NCAM2: variants seen among roughly 807,000 people sequenced by gnomAD.
NCAM2 encodes neural cell adhesion molecule 2, also known as N-CAM-2.
Under a neutral mutation model 98.1 loss-of-function variants are expected in NCAM2, and 30 were observed. The ratio of observed to expected loss-of-function variants is 0.31; its 90% CI spans 0.23 to 0.41. The LOEUF (loss-of-function observed/expected upper bound fraction) is 0.41. Among genes scored for constraint, NCAM2 ranks in the 10% least tolerant of loss-of-function variants. The probability of loss-of-function intolerance (pLI) is 1.00; values close to 1 mark genes in which losing one functional copy is unlikely to be tolerated. For synonymous variants in NCAM2, 368 were observed against 342.4 expected (o/e 1.07, Z -0.83); for missense variants, 867 against 1,005.8 (o/e 0.86, Z 1.87).
intron 1 of NCAM2, among the ~76,000 whole-genome samples, chr21:21,034,014 A>C (rs539373671): frequency 1.4e-5 from 2 of 147,776 alleles, no homozygotes; most frequent in East Asian, 4.3e-4. Context: ...ACCTTTGGAG[A>C]GATTTAGGCT....
chr21:21,341,164 G>A (rs2075022062), intron 8 of NCAM2, among the ~76,000 whole-genome samples: 1 of 151,968 alleles, frequency 6.6e-6, no homozygotes, highest in Non-Finnish European at 1.5e-5. Context: ...TTATCTTGTT[G>A]CCTCTGTAAA....
chr21:21,232,882 GT>G (rs1458791764), intron 1 of NCAM2, among the ~76,000 whole-genome samples: 2 of 151,340 alleles, frequency 1.3e-5, no homozygotes, highest in Non-Finnish European at 3.0e-5. Context: ...TTACAAAATG[GT>G]TTCCAAATGT....
intron 1 of NCAM2, among the ~76,000 whole-genome samples, chr21:21,079,019 AC>A (rs1468346459): frequency 2.0e-5 from 3 of 152,104 alleles, no homozygotes; most frequent in African/African-American, 7.2e-5. Flanking sequence ...GGAAGAACAC[AC>A]ACCAGGGCCT....
intron 1 of NCAM2, among the ~76,000 whole-genome samples, chr21:21,054,490 A>C (rs930492247): frequency 6.6e-6 from 1 of 152,064 alleles, no homozygotes; most frequent in Non-Finnish European, 1.5e-5. Flanking sequence ...AATTAGAACA[A>C]AATTTAAAGG....
chr21:21,307,898 A>G (rs1034208165), intron 5 of NCAM2, among the ~76,000 whole-genome samples: 12 of 152,150 alleles, frequency 7.9e-5, no homozygotes, highest in Admixed American at 7.2e-4. Context: ...GGTCTCGCCT[A>G]GATAATTCAT....
intron 1 of NCAM2, among the ~76,000 whole-genome samples, chr21:21,095,952 TAAGAAAG>T (rs146521312): frequency 0.037 from 5,602 of 151,632 alleles, 137 homozygotes; most frequent in Non-Finnish European, 0.044. Flanking sequence ...GAATGAGAGA[TAAGAAAG>T]AAGAAACTAT....
At chr21:21,243,232 TAATA>T (rs964704952) in intron 1 of NCAM2, among the ~76,000 whole-genome samples, 38 of 152,252 alleles carry the variant, frequency 2.5e-4, no homozygotes, top group African/African-American at 9.1e-4. Context: ...GTATTTCTAT[TAATA>T]AAGAGCAAAA....
At chr21:21,237,696 G>A (rs1024267702) in intron 1 of NCAM2, among the ~76,000 whole-genome samples, 1 of 151,752 alleles carries the variant, frequency 6.6e-6, no homozygotes, top group African/African-American at 2.4e-5. Flanking sequence ...AGAAATTTTA[G>A]TAAAGGTAAA....
At chr21:21,368,600 A>T (rs2075841108) in intron 8 of NCAM2, among the ~76,000 whole-genome samples, 1 of 151,896 alleles carries the variant, frequency 6.6e-6, no homozygotes, top group Admixed American at 6.6e-5. Flanking sequence ...ACTTTGTCAA[A>T]GATGCTGTTT....
chr21:21,303,266 G>A (rs1055735574), intron 5 of NCAM2, among the ~76,000 whole-genome samples: 1 of 151,630 alleles, frequency 6.6e-6, no homozygotes, highest in Non-Finnish European at 1.5e-5. Flanking sequence ...AAGTGGAAAT[G>A]AAAACATAGT....
intron 9 of NCAM2, among the ~76,000 whole-genome samples, chr21:21,396,529 A>G (rs1411092064): frequency 6.6e-6 from 1 of 151,828 alleles, no homozygotes; most frequent in African/African-American, 2.4e-5. Context: ...CATTCTGCCC[A>G]CTCAGCTCAT....
At chr21:21,391,007 A>G (rs532651020) in intron 9 of NCAM2, among the ~76,000 whole-genome samples, 1 of 152,312 alleles carries the variant, frequency 6.6e-6, no homozygotes, top group South Asian at 2.1e-4. Flanking sequence ...TTCAAGAAGA[A>G]AATGGTATTT....
intron 5 of NCAM2, among the ~76,000 whole-genome samples, chr21:21,310,943 A>C (rs1049133627): frequency 2.0e-5 from 3 of 152,204 alleles, no homozygotes; most frequent in African/African-American, 7.2e-5. Context: ...AGTAAGTCCC[A>C]CAGTTGAGAC....
intron 6 of NCAM2, among the ~76,000 whole-genome samples, chr21:21,328,392 A>G (rs1198146215): frequency 2.0e-5 from 3 of 152,116 alleles, no homozygotes; most frequent in Admixed American, 6.5e-5. Flanking sequence ...GTTAACTGTA[A>G]AACAGCCTCA....
At chr21:21,245,630 C>T (rs1041788) in intron 1 of NCAM2, among the ~76,000 whole-genome samples, 10,672 of 152,220 alleles carry the variant, frequency 0.07, 751 homozygotes, top group East Asian at 0.34. Context: ...TAAACATGTG[C>T]CTAAATATTT....
chr21:21,532,971 A>G (rs972053303), intron 16 of NCAM2, among the ~76,000 whole-genome samples: 4 of 152,108 alleles, frequency 2.6e-5, no homozygotes, highest in Admixed American at 6.5e-5. Flanking sequence ...GATTTCTTCT[A>G]TTCTTATAAA....
chr21:21,471,486 A>G (rs1984435076), intron 14 of NCAM2, among the ~76,000 whole-genome samples: 1 of 152,064 alleles, frequency 6.6e-6, no homozygotes, highest in South Asian at 2.1e-4. Flanking sequence ...ACTTGAAAAA[A>G]TGGTTTAGAC....
chr21:21,009,542 C>T (rs913256947), intron 1 of NCAM2, among the ~76,000 whole-genome samples: 2 of 151,690 alleles, frequency 1.3e-5, no homozygotes, highest in African/African-American at 2.4e-5. Context: ...GGTCTCAAAA[C>T]TGTTCAATAT....
intron 1 of NCAM2, among the ~76,000 whole-genome samples, chr21:21,036,753 C>T (rs1345596296): frequency 6.6e-6 from 1 of 152,102 alleles, no homozygotes; most frequent in Non-Finnish European, 1.5e-5. Flanking sequence ...AAGCAAATCA[C>T]ATGAAGCAAA....
Sources: gnomAD v4.1 joint callset for allele counts (sites outside exome capture counted in the v4.1 genomes callset) on GRCh38, gnomAD v4.1.1 for gene constraint, MANE v1.5 for transcripts, NCBI Gene and HGNC (gene_info 2026-07-23, HGNC 2026-07-21) for gene names.